The following TUSC1 variants were observed in gnomAD, a reference collection of about 807,000 sequenced individuals.
TUSC1 encodes tumor suppressor candidate 1.
Under a neutral mutation model 5.2 loss-of-function variants are expected in TUSC1, and 8 were observed. That is an observed-to-expected ratio of 1.54 (90% CI 0.90 to 2.77). The LOEUF is 2.77. Ranked by LOEUF, TUSC1 falls within the 30% of genes most tolerant of loss-of-function variation. The probability of loss-of-function intolerance (pLI) is 0.00; values close to 1 mark genes in which losing one functional copy is unlikely to be tolerated. For synonymous variants in TUSC1, 192 were observed against 144.2 expected, an observed-to-expected ratio of 1.33 and a Z score of -2.37; for missense variants, 442 against 324.2, an observed-to-expected ratio of 1.36 and a Z score of -2.79.
Position 25,677,682 on chromosome 9 carries a change from G to A in TUSC1, c.*1C>T. ...CCGCCTCTCACCGGCTGCGGCCTCGGCTACAGCCAGGGCCCAGAGGGCTCC... is the reference window on the plus strand; with the variant it reads ...CCGCCTCTCACCGGCTGCGGCCTCGACTACAGCCAGGGCCCAGAGGGCTCC... On this transcript the variant is annotated 3_prime_UTR_variant, in exon 1 of 1. Coordinates refer to ENST00000358022, the MANE Select transcript of TUSC1 (RefSeq NM_001004125.3). 1 of 1,519,206 alleles carries A rather than the reference G, an allele frequency of 6.6e-7. No individual in the cohort carries two copies. Among genetic ancestry groups the A allele is most frequent in the Non-Finnish European group, 8.8e-7 (1 of 1,132,286 alleles). The allele number at this position is 1,519,206 out of a possible 1,614,324, so 94.1% of individuals were successfully genotyped here. A position where few individuals can be genotyped will look rare whatever the true frequency, so the allele number is the denominator to read the frequency against.
At position 25,677,906 on chromosome 9, in the gene TUSC1, T is replaced by A. The variant is rs765969990; in HGVS notation, c.407A>T (p.Asn136Ile). 1 of 1,580,828 alleles carries A rather than the reference T, an allele frequency of 6.3e-7. No homozygotes were observed. Among genetic ancestry groups the A allele is most frequent in the East Asian group, 2.3e-5 (1 of 43,414 alleles). Residue 136 changes from asparagine (N) to isoleucine (I), a missense_variant, in exon 1 of 1, where the codon AAC (asparagine) becomes ATC (isoleucine). Physicochemically the swap from Asn to Ile is moderately radical, Grantham distance 149 (BLOSUM62 -3). Coordinates refer to ENST00000358022, the MANE Select transcript of TUSC1 (RefSeq NM_001004125.3). ...ARRVPEEAST[N>I]RRARDSGRED... ...TCGGCCGCTGTCTCTAGCCCTCCGG[T>A]TCGTGCTGGCCTCTTCAGGGACCCG... is the stretch of plus-strand genomic sequence containing the variant.
Position 25,678,278 on chromosome 9 carries a change from C to T in TUSC1, c.35G>A (p.Gly12Glu). 2.0e-6 allele frequency: 3 copies of T among 1,466,328 alleles called. No individual in the cohort carries two copies. The highest frequency in any genetic ancestry group is 1.5e-5 in the African/African-American group (1 of 67,774). 90.8% of individuals were successfully genotyped at this position (1,466,328 alleles called of 1,614,324 possible). A position where few individuals can be genotyped will look rare whatever the true frequency, so the allele number is the denominator to read the frequency against. ...AGCACCGTCCCCGCCGCAGCAACTC[C>T]CGCGCCTAGTGGCGCCACCACGCAT... is the stretch of plus-strand genomic sequence containing the variant. ...WRMRGGATRR[G>E]SCCGGDGAAD... is the part of the protein sequence containing the mutation. Residue 12 changes from glycine (G) to glutamate (E), a missense_variant, in exon 1 of 1, where the codon GGG becomes GAG. Transcript: ENST00000358022.
Position 25,678,180 on chromosome 9 carries a change from C to G in TUSC1, c.133G>C (p.Val45Leu), listed in dbSNP as rs1272123049. ...CCGTCCGCGCGGCCTCGCCAGCCCA[C>G]GCCGCCGCCGCCGCCGCTGGGGCTG... ...GGSPSGGGGG[V>L]GWRGRADGAR... The change falls in exon 1 of 1, where the codon GTG becomes CTG. Residue 45 changes from valine (V) to leucine (L), a missense_variant. Physicochemically the swap from Val to Leu is conservative, Grantham distance 32 (BLOSUM62 1). Transcript: ENST00000358022. 1 of 1,311,790 alleles carries G rather than the reference C, an allele frequency of 7.6e-7. No individual in the cohort carries two copies. The highest frequency in any genetic ancestry group is 3.2e-5 in the East Asian group (1 of 31,204). 81.3% of individuals were successfully genotyped at this position (1,311,790 alleles called of 1,614,324 possible).
Position 25,678,286 on chromosome 9 carries a change from A to C in TUSC1, c.27T>G (p.Thr9=), listed in dbSNP as rs1018181738. The change falls in exon 1 of 1, where the codon ACT becomes ACG. Residue 9 remains threonine (T), a synonymous_variant. Coordinates refer to ENST00000358022, the MANE Select transcript of TUSC1 (RefSeq NM_001004125.3). ...CCCCGCCGCAGCAACTCCCGCGCCTAGTGGCGCCACCACGCATGCGCCACA... is the reference window on the plus strand; with the variant it reads ...CCCCGCCGCAGCAACTCCCGCGCCTCGTGGCGCCACCACGCATGCGCCACA... MWRMRGGA[T]RRGSCCGGDG... 8.9e-6 allele frequency: 13 copies of C among 1,467,558 alleles called. No individual in the cohort carries two copies. The African/African-American group carries it at 1.6e-4, about 18-fold the overall frequency. The allele number at this position is 1,467,558 out of a possible 1,614,324, so 90.9% of individuals were successfully genotyped here. A position where few individuals can be genotyped will look rare whatever the true frequency, so the allele number is the denominator to read the frequency against.
In TUSC1 at chr9:25,677,770, C is replaced by T. The variant is rs780818782; in HGVS notation, c.543G>A (p.Pro181=). 18 of 1,582,456 alleles carry T rather than the reference C, an allele frequency of 1.1e-5. No individual in the cohort carries two copies. The highest frequency in any genetic ancestry group is 5.7e-5 in the South Asian group (5 of 87,082). ...GAGGCTGCTCCTCCTTGTCCCCGCT[C>T]GGACGTGGTCCCCGCTGCTCGAGGT... ...QLHLEQRGPR[P]SGDKEEQPLQ... Residue 181 remains proline (P), a synonymous_variant, in exon 1 of 1, where the codon CCG becomes CCA. Transcript: ENST00000358022.
rs569349099 is a variant in TUSC1, at chr9:25,677,509, A to T, written c.*174T>A. The T allele has an allele frequency of 1.1e-5, 14 of 1,292,334 alleles. No homozygotes were observed. The African/African-American group carries it at 1.9e-4, about 18-fold the overall frequency. 80.1% of individuals were successfully genotyped at this position (1,292,334 alleles called of 1,614,324 possible). A position where few individuals can be genotyped will look rare whatever the true frequency, so the allele number is the denominator to read the frequency against. ...CCTTGCACCCACTCGACCTCCACCA[A>T]GCGGATGGCCAAGCGCCACCCGGAA... On this transcript the variant is annotated 3_prime_UTR_variant, in exon 1 of 1. Coordinates refer to ENST00000358022, the MANE Select transcript of TUSC1 (RefSeq NM_001004125.3).
chr9:25,677,589 G>A lies in TUSC1; in HGVS notation c.*94C>T. 2 of 1,435,394 alleles carry A rather than the reference G, an allele frequency of 1.4e-6. No homozygotes were observed. Among genetic ancestry groups the A allele is most frequent in the Non-Finnish European group, 1.8e-6 (2 of 1,099,578 alleles). 88.9% of individuals were successfully genotyped at this position (1,435,394 alleles called of 1,614,324 possible). On this transcript the variant is annotated 3_prime_UTR_variant, in exon 1 of 1. Coordinates refer to ENST00000358022, the MANE Select transcript of TUSC1 (RefSeq NM_001004125.3). ...GTAGTCCAAGGTATCCGCGGGCAGG[G>A]AGCGGGCCAGGGCGTGCGCGAGGTC...
rs74174596 is a variant in TUSC1 at position 25,677,301 on chromosome 9, G to GAA, written c.*380_*381dup. 4.9e-5 allele frequency: 10 copies of GAA among 205,494 alleles called. No homozygotes were observed. Among genetic ancestry groups the GAA allele is most frequent in the East Asian group, 2.1e-4 (2 of 9,498 alleles). 12.7% of individuals were successfully genotyped at this position (205,494 alleles called of 1,614,324 possible). On this transcript the variant is annotated 3_prime_UTR_variant, in exon 1 of 1. Transcript: ENST00000358022. ...CTCATCCCTCAGAACCAAAATACAG[G>GAA]AAAAAAAAAAATACAACAGGTTCGC...
rs1819059693 is a variant in TUSC1 at position 25,677,395 on chromosome 9, C to T, written c.*288G>A. 1.8e-5 allele frequency: 8 copies of T among 434,278 alleles called. No individual in the cohort carries two copies. In the South Asian group the frequency reaches 4.2e-4, roughly 23 times the overall value. 26.9% of individuals were successfully genotyped at this position (434,278 alleles called of 1,614,324 possible). A position where few individuals can be genotyped will look rare whatever the true frequency, so the allele number is the denominator to read the frequency against. On this transcript the variant is annotated 3_prime_UTR_variant, in exon 1 of 1. Coordinates refer to ENST00000358022, the MANE Select transcript of TUSC1 (RefSeq NM_001004125.3). ...ACCCAGTTCTCGCTGTTTTAAAATC[C>T]GTCCCTTCGTTGTTGGCTAGGCCTC...
rs1324774163 is a variant in TUSC1, at chr9:25,677,567, G to C, written c.*116C>G. Reference sequence around the variant, plus strand: ...CTGGTGGGGGCGGGAAGGCACCGTAGTCCAAGGTATCCGCGGGCAGGGAGC... The same window carrying C: ...CTGGTGGGGGCGGGAAGGCACCGTACTCCAAGGTATCCGCGGGCAGGGAGC... On this transcript the variant is annotated 3_prime_UTR_variant, in exon 1 of 1. Transcript: ENST00000358022. The C allele has an allele frequency of 1.5e-5, 21 of 1,433,302 alleles. No homozygotes were observed. Among genetic ancestry groups the C allele is most frequent in the East Asian group, 7.5e-5 (3 of 39,886 alleles). The allele number at this position is 1,433,302 out of a possible 1,614,324, so 88.8% of individuals were successfully genotyped here.
In TUSC1 at chr9:25,677,403, C is replaced by T; in HGVS notation, c.*280G>A. ...CTCGCTGTTTTAAAATCCGTCCCTT[C>T]GTTGTTGGCTAGGCCTCTCTCCAGG... is the stretch of plus-strand genomic sequence containing the variant. On this transcript the variant is annotated 3_prime_UTR_variant, in exon 1 of 1. Transcript: ENST00000358022. 2 of 449,418 alleles carry T rather than the reference C, an allele frequency of 4.5e-6. No homozygotes were observed. The highest frequency in any genetic ancestry group is 3.9e-5 in the Admixed American group (1 of 25,556). The allele number at this position is 449,418 out of a possible 1,614,324, so 27.8% of individuals were successfully genotyped here.
rs182988202 is a variant in TUSC1, at chr9:25,677,439, G to A, written c.*244C>T. 2.0e-5 allele frequency: 12 copies of A among 586,726 alleles called. No homozygotes were observed. Among genetic ancestry groups the A allele is most frequent in the Admixed American group, 1.1e-4 (3 of 27,752 alleles). 36.3% of individuals were successfully genotyped at this position (586,726 alleles called of 1,614,324 possible). On this transcript the variant is annotated 3_prime_UTR_variant, in exon 1 of 1. Coordinates refer to ENST00000358022, the MANE Select transcript of TUSC1 (RefSeq NM_001004125.3). ...AGGCCTCTCTCCAGGGAAACTAGCC[G>A]GGGCAAGAGGCAGGGGAACTGTACA... is the stretch of plus-strand genomic sequence containing the variant.
Position 25,677,494 on chromosome 9 carries a change from A to G in TUSC1, c.*189T>C. On this transcript the variant is annotated 3_prime_UTR_variant, in exon 1 of 1. Transcript: ENST00000358022. The stretch of plus-strand genomic sequence containing the variant: ...GGAGGTCCTGAGGGCCCTTGCACCC[A>G]CTCGACCTCCACCAAGCGGATGGCC... 8.7e-7 allele frequency: 1 copy of G among 1,153,792 alleles called. No homozygotes were observed. The highest frequency in any genetic ancestry group is 1.7e-5 in the South Asian group (1 of 59,508). The allele number at this position is 1,153,792 out of a possible 1,614,324, so 71.5% of individuals were successfully genotyped here.
Position 25,677,538 on chromosome 9 carries a change from T to G in TUSC1, c.*145A>C, listed in dbSNP as rs1157227529. On this transcript the variant is annotated 3_prime_UTR_variant, in exon 1 of 1. Coordinates refer to ENST00000358022, the MANE Select transcript of TUSC1 (RefSeq NM_001004125.3). The stretch of plus-strand genomic sequence containing the variant: ...GATGGCCAAGCGCCACCCGGAAGTG[T>G]CCACTGGTGGGGGCGGGAAGGCACC... 1 of 1,403,932 alleles carries G rather than the reference T, an allele frequency of 7.1e-7. No individual in the cohort carries two copies. The highest frequency in any genetic ancestry group is 2.5e-5 in the East Asian group (1 of 39,656). The allele number at this position is 1,403,932 out of a possible 1,614,324, so 87.0% of individuals were successfully genotyped here.
chr9:25,678,139 C>G lies in TUSC1; in HGVS notation c.174G>C (p.Leu58=). Residue 58 remains leucine (L), a synonymous_variant, in exon 1 of 1, where the codon CTG becomes CTC. Coordinates refer to ENST00000358022, the MANE Select transcript of TUSC1 (RefSeq NM_001004125.3). ...RGRADGARQQ[L]EERFADLAAS... The stretch of plus-strand genomic sequence containing the variant: ...CCGCCAGGTCGGCAAACCGCTCCTC[C>G]AGCTGCTGTCGGGCGCCGTCCGCGC... 1 of 1,526,542 alleles carries G rather than the reference C, an allele frequency of 6.6e-7. No individual in the cohort carries two copies. The highest frequency in any genetic ancestry group is 1.4e-5 in the African/African-American group (1 of 70,208). 94.6% of individuals were successfully genotyped at this position (1,526,542 alleles called of 1,614,324 possible). A position where few individuals can be genotyped will look rare whatever the true frequency, so the allele number is the denominator to read the frequency against.
Position 25,678,218 on chromosome 9 carries a change from G to A in TUSC1, c.95C>T (p.Ala32Val). ...DGRGPGRSGR[A>V]RGGGSPSGGG... ...GCCGCTGGGGCTGCCCCCACCACGA[G>A]CCCGGCCGGAGCGGCCTGGCCCTCG... Residue 32 changes from alanine (A) to valine (V), a missense_variant, in exon 1 of 1, where the codon GCT (alanine) becomes GTT (valine). Physicochemically the swap from Ala to Val is moderately conservative, Grantham distance 64. Coordinates refer to ENST00000358022, the MANE Select transcript of TUSC1 (RefSeq NM_001004125.3). 1 of 1,364,182 alleles carries A rather than the reference G, an allele frequency of 7.3e-7. No homozygotes were observed. Among genetic ancestry groups the A allele is most frequent in the Non-Finnish European group, 9.4e-7 (1 of 1,058,916 alleles). The allele number at this position is 1,364,182 out of a possible 1,614,324, so 84.5% of individuals were successfully genotyped here.
Position 25,677,560 on chromosome 9 carries a change from C to T in TUSC1, c.*123G>A. On this transcript the variant is annotated 3_prime_UTR_variant, in exon 1 of 1. Coordinates refer to ENST00000358022, the MANE Select transcript of TUSC1 (RefSeq NM_001004125.3). ...GTGTCCACTGGTGGGGGCGGGAAGG[C>T]ACCGTAGTCCAAGGTATCCGCGGGC... The T allele has an allele frequency of 1.4e-6, 2 of 1,430,480 alleles. No homozygotes were observed. Among genetic ancestry groups the T allele is most frequent in the Non-Finnish European group, 1.8e-6 (2 of 1,096,300 alleles). The allele number at this position is 1,430,480 out of a possible 1,614,324, so 88.6% of individuals were successfully genotyped here. A position where few individuals can be genotyped will look rare whatever the true frequency, so the allele number is the denominator to read the frequency against.
At position 25,678,184 on chromosome 9, in the gene TUSC1, G is replaced by A. The variant is rs1819088988; in HGVS notation, c.129C>T (p.Gly43=). 2.2e-6 allele frequency: 3 copies of A among 1,375,424 alleles called. No homozygotes were observed. The highest frequency in any genetic ancestry group is 2.8e-6 in the Non-Finnish European group (3 of 1,072,908). The allele number at this position is 1,375,424 out of a possible 1,614,324, so 85.2% of individuals were successfully genotyped here. Residue 43 remains glycine (G), a synonymous_variant, in exon 1 of 1, where the codon GGC becomes GGT. Transcript: ENST00000358022. ...CCGCGCGGCCTCGCCAGCCCACGCC[G>A]CCGCCGCCGCCGCTGGGGCTGCCCC... ...RGGGSPSGGG[G]GVGWRGRADG...
At position 25,677,355 on chromosome 9, in the gene TUSC1, G is replaced by T. The variant is rs972445707; in HGVS notation, c.*328C>A. 2.5e-5 allele frequency: 9 copies of T among 364,002 alleles called. No individual in the cohort carries two copies. Among genetic ancestry groups the T allele is most frequent in the East Asian group, 4.4e-5 (1 of 22,866 alleles). 22.5% of individuals were successfully genotyped at this position (364,002 alleles called of 1,614,324 possible). A position where few individuals can be genotyped will look rare whatever the true frequency, so the allele number is the denominator to read the frequency against. On this transcript the variant is annotated 3_prime_UTR_variant, in exon 1 of 1. Coordinates refer to ENST00000358022, the MANE Select transcript of TUSC1 (RefSeq NM_001004125.3). ...ACATCCAGAAAAGTTCAGGGAATAT[G>T]AAGTGTTTCTTGGCACCCAGTTCTC...
Sources: gnomAD v4.1 joint callset for allele counts on GRCh38, gnomAD v4.1.1 for gene constraint, MANE v1.5 for transcripts, NCBI Gene and HGNC (gene_info 2026-07-23, HGNC 2026-07-21) for gene names.